Variants in LRIG2 observed in about 807,000 individuals in gnomAD.
The protein encoded by LRIG2 is leucine-rich repeats and immunoglobulin-like domains protein 2.
LRIG2 carries 93 observed loss-of-function variants against 107.8 expected under a neutral mutation model. The ratio of observed to expected loss-of-function variants is 0.86; its 90% CI spans 0.73 to 1.03. LRIG2 has a LOEUF of 1.03. LRIG2 is among the 50% of genes least tolerant of loss of function. The probability of loss-of-function intolerance (pLI) is 0.00; values close to 1 mark genes in which losing one functional copy is unlikely to be tolerated. For synonymous variants in LRIG2, 471 were observed against 470.6 expected (o/e 1.00, Z -0.01); for missense variants, 1,226 against 1,296.0 (o/e 0.95, Z 0.83).
At chr1:113,076,482 G>A (rs1016190479) in intron 1 of LRIG2, among the ~76,000 whole-genome samples, 1 of 152,190 alleles carries the variant, frequency 6.6e-6, no homozygotes, top group Admixed American at 6.5e-5. Context: ...TTCAGTTGAA[G>A]TGAAATGACT....
intron 11 of LRIG2, among the ~76,000 whole-genome samples, chr1:113,101,040 G>A (rs1654287236): frequency 6.6e-6 from 1 of 152,050 alleles, no homozygotes; most frequent in African/African-American, 2.4e-5. Context: ...GGGATTGGAG[G>A]TTAGTTGGGC....
intron 5 of LRIG2, 48 bp from the exon 6 acceptor site, chr1:113,094,564 A>G: frequency 6.3e-7 from 1 of 1,590,206 alleles, no homozygotes; most frequent in Non-Finnish European, 8.6e-7. Context: ...TACTGTTAGA[A>G]CATTTTAGCA....
chr1:113,093,543 C>T lies in LRIG2; in HGVS notation c.494C>T (p.Pro165Leu). 3 of 1,592,020 alleles carry T rather than the reference C, an allele frequency of 1.9e-6. No individual in the cohort carries two copies. Among genetic ancestry groups the T allele is most frequent in the Non-Finnish European group, 2.6e-6 (3 of 1,169,030 alleles). The change falls in exon 4 of 18, where the codon CCT becomes CTT. Residue 165 changes from proline to leucine, a missense_variant. Physicochemically the swap from Pro to Leu is moderately conservative, Grantham distance 98 (BLOSUM62 -3). This residue lies in a region of LRIG2 where 570 missense variants were observed against 550.2 expected (regional missense o/e 1.04). Coordinates refer to ENST00000361127, the MANE Select transcript of LRIG2 (RefSeq NM_014813.3). ...TCAGAAATCAAGACATCTTCATTTC[C>T]TCGCATGCAGCTTAAATACCTGTAA... is the stretch of plus-strand genomic sequence containing the variant. ...IISEIKTSSF[P>L]RMQLKYLNLS... is the part of the protein sequence containing the mutation.
At chr1:113,075,212 CA>C (rs199671689) in intron 1 of LRIG2, among the ~76,000 whole-genome samples, 62 of 142,888 alleles carry the variant, frequency 4.3e-4, no homozygotes, top group East Asian at 3.2e-3. Context: ...AACTCTGTCT[CA>C]AAAAAAAAAA....
chr1:113,116,879 G>A (rs879183325), intron 16 of LRIG2, among the ~76,000 whole-genome samples: 1 of 152,170 alleles, frequency 6.6e-6, no homozygotes, highest in Admixed American at 6.5e-5. Flanking sequence ...CCACGAGGCT[G>A]AAGCAGGATT....
rs1009985964 is a variant in LRIG2 at position 113,073,220 on chromosome 1, C to T, written c.-187C>T. ...GGCGGACGAGAGGTGTCCGTCAGGC[C>T]GTGTGTCCCAGGCCGTCGACCCCGC... is the stretch of plus-strand genomic sequence containing the variant. On this transcript the variant is annotated 5_prime_UTR_variant, in exon 1 of 18. Transcript: ENST00000361127. 1.7e-5 allele frequency: 10 copies of T among 600,314 alleles called. No homozygotes were observed. The highest frequency in any genetic ancestry group is 5.9e-5 in the Admixed American group (2 of 33,982). 37.2% of individuals were successfully genotyped at this position (600,314 alleles called of 1,614,324 possible).
chr1:113,094,823 GC>G (rs1557904713), intron 6 of LRIG2, 68 bp downstream of exon 6: 1 of 1,481,980 alleles, frequency 6.7e-7, no homozygotes, highest in South Asian at 1.3e-5. Flanking sequence ...GTGTCGAATG[GC>G]TAGGGTAGTT....
intron 12 of LRIG2, among the ~76,000 whole-genome samples, chr1:113,108,963 G>A (rs1385789576): frequency 6.6e-6 from 1 of 152,120 alleles, no homozygotes; most frequent in Non-Finnish European, 1.5e-5. Context: ...ATCTATGTTG[G>A]ATATCCCTAG....
At chr1:113,096,404 A>AT (rs760323257) in intron 8 of LRIG2, 39 bp downstream of exon 8, 6 of 1,586,060 alleles carry the variant, frequency 3.8e-6, no homozygotes, top group Admixed American at 1.8e-5. Flanking sequence ...GTTGTTACTG[A>AT]TTTTTTTAGT....
intron 15 of LRIG2, among the ~76,000 whole-genome samples, 193 bp downstream of exon 15, chr1:113,115,069 C>A (rs554291841): frequency 6.6e-6 from 1 of 152,168 alleles, no homozygotes; most frequent in Admixed American, 6.5e-5. Context: ...CATAGCAAGA[C>A]CTCATCTTCC....
Position 113,098,711 on chromosome 1 carries a change from A to G in LRIG2, c.1098A>G (p.Leu366=), listed in dbSNP as rs1479037490. 6.2e-7 allele frequency: 1 copy of G among 1,609,628 alleles called. No homozygotes were observed. The highest frequency in any genetic ancestry group is 1.3e-5 in the African/African-American group (1 of 74,864). The change falls in exon 9 of 18, where the codon TTA becomes TTG. Residue 366 remains leucine (L), a synonymous_variant. Coordinates refer to ENST00000361127, the MANE Select transcript of LRIG2 (RefSeq NM_014813.3). ...TTCTCTGACATTTTTGTAGAGACTT[A>G]AGAAACAATGAAATTTCATGGGCCA... ...RFLSNLQTLD[L]RNNEISWAIE...
chr1:113,128,144 T>C lies in LRIG2; in HGVS notation c.*4043T>C, dbSNP rs1036428729. The C allele has an allele frequency of 1.2e-4, 18 of 152,144 alleles. No homozygotes were observed. The highest frequency in any genetic ancestry group is 4.1e-4 in the African/African-American group (17 of 41,548). The allele number at this position is 152,144 out of a possible 1,614,324, so 9.4% of individuals were successfully genotyped here. Reference sequence around the variant, plus strand: ...TTTTTGCCAGAAAGTTGAGCATTTATTCATACTTATTTTCAATCCTAAGTG... The same window carrying C: ...TTTTTGCCAGAAAGTTGAGCATTTACTCATACTTATTTTCAATCCTAAGTG... On this transcript the variant is annotated 3_prime_UTR_variant, in exon 18 of 18. Coordinates refer to ENST00000361127, the MANE Select transcript of LRIG2 (RefSeq NM_014813.3).
chr1:113,091,486 A>G, intron 2 of LRIG2, 103 bp downstream of exon 2: 1 of 685,194 alleles, frequency 1.5e-6, no homozygotes, highest in Non-Finnish European at 2.4e-6. Context: ...AAAAAAATTG[A>G]AGGAAAAAAT....
chr1:113,091,374 T>C lies in LRIG2; in HGVS notation c.296T>C (p.Leu99Ser), dbSNP rs748161605. The change falls in exon 2 of 18, where the codon TTA becomes TCA. Residue 99 changes from leucine to serine, a missense_variant. Physicochemically the swap from Leu to Ser is moderately radical, Grantham distance 145 (BLOSUM62 -2). Around this residue, in one of 3 missense-constraint regions of LRIG2, gnomAD observed 570 missense variants for 550.2 expected, o/e 1.04. Transcript: ENST00000361127. ...AACATCAGCTTGGAATCACAAACAT[T>C]ACAGGAAGTGTAAGTTATTTTTATT... ...NWNISLESQT[L>S]QEVKMNYNEL... The C allele has an allele frequency of 2.5e-6, 4 of 1,588,148 alleles. No individual in the cohort carries two copies. The South Asian group carries it at 3.4e-5, about 14-fold the overall frequency.
At chr1:113,075,691 A>C (rs1057508805) in intron 1 of LRIG2, among the ~76,000 whole-genome samples, 10 of 97,242 alleles carry the variant, frequency 1.0e-4, no homozygotes, top group Non-Finnish European at 1.9e-4. Flanking sequence ...TGTGGCCTAT[A>C]CTTTTTTTTT....
At chr1:113,106,868 A>G (rs1239873557) in intron 11 of LRIG2, among the ~76,000 whole-genome samples, 1 of 152,204 alleles carries the variant, frequency 6.6e-6, no homozygotes, top group Non-Finnish European at 1.5e-5. Flanking sequence ...TGTCTACAAC[A>G]AAGATCTCTC....
At chr1:113,112,157 G>A (rs887410643) in intron 13 of LRIG2, among the ~76,000 whole-genome samples, 1 of 152,122 alleles carries the variant, frequency 6.6e-6, no homozygotes. Context: ...GCTGGGTGCT[G>A]TGGCTCAGGC....
chr1:113,095,824 G>T, intron 6 of LRIG2, 50 bp from the exon 7 acceptor site: 1 of 1,604,694 alleles, frequency 6.2e-7, no homozygotes, highest in Non-Finnish European at 8.5e-7. Context: ...GCTAGTTATT[G>T]AACTGCCTTG....
chr1:113,084,929 A>G (rs1285589301), intron 1 of LRIG2, among the ~76,000 whole-genome samples: 1 of 152,222 alleles, frequency 6.6e-6, no homozygotes, highest in Non-Finnish European at 1.5e-5. Context: ...GTCATGAAAA[A>G]TGTTACAATA....
Sources: allele counts gnomAD v4.1 joint callset (sites outside exome capture counted in the v4.1 genomes callset), GRCh38; gene constraint gnomAD v4.1.1; regional missense constraint gnomAD v4.1.1; transcripts MANE v1.5; gene names NCBI Gene and HGNC (gene_info 2026-07-23, HGNC 2026-07-21).